The following MIPEP variants were observed in gnomAD, a reference collection of about 807,000 sequenced individuals.
The protein encoded by MIPEP is mitochondrial intermediate peptidase.
MIPEP carries 79 observed loss-of-function variants against 90.3 expected under a neutral mutation model. The ratio of observed to expected loss-of-function variants is 0.87; its 90% CI spans 0.73 to 1.05. The LOEUF (loss-of-function observed/expected upper bound fraction) is 1.05. MIPEP is among the 50% of genes least tolerant of loss of function. The pLI, the probability that MIPEP is intolerant of heterozygous loss-of-function variation, is 0.00. For missense variants in MIPEP, 940 were observed against 905.6 expected, an observed-to-expected ratio of 1.04 and a Z score of -0.49; for synonymous variants, 334 against 315.8, an observed-to-expected ratio of 1.06 and a Z score of -0.61.
At chr13:23,844,076 CCAGA>C (rs1869428228) in intron 10 of MIPEP, among the ~76,000 whole-genome samples, 1 of 152,000 alleles carries the variant, frequency 6.6e-6, no homozygotes, top group South Asian at 2.1e-4. Context: ...CCATGAGATA[CCAGA>C]CACTCAGGAC....
At chr13:23,752,295 T>C (rs1952450151) in intron 18 of MIPEP, among the ~76,000 whole-genome samples, 1 of 152,220 alleles carries the variant, frequency 6.6e-6, no homozygotes, top group Non-Finnish European at 1.5e-5. Flanking sequence ...ATTCACAAAC[T>C]GCTGAAGTAA....
At chr13:23,831,389 G>GGGGGGGGGGGGGGGGGGGGGGGGGTGGGT (rs1566009699) in intron 14 of MIPEP, among the ~76,000 whole-genome samples, 1 of 144,558 alleles carries the variant, frequency 6.9e-6, no homozygotes, top group Admixed American at 6.8e-5. Context: ...ATGGCGGGGG[G>GGGGGGGGGGGGGGGGGGGGGGGGGTGGGT]GGGATGTGGA....
At chr13:23,858,470 C>CA (rs1178186750) in intron 10 of MIPEP, among the ~76,000 whole-genome samples, 2,756 of 47,486 alleles carry the variant, frequency 0.058, 35 homozygotes, top group African/African-American at 0.079. Context: ...GACTCCGCCT[C>CA]AAAAAAAAAA....
At chr13:23,835,196 T>C (rs1452219034) in intron 14 of MIPEP, among the ~76,000 whole-genome samples, 1 of 152,026 alleles carries the variant, frequency 6.6e-6, no homozygotes, top group African/African-American at 2.4e-5. Context: ...AACTTTTGTA[T>C]TTTTAGTAGA....
At chr13:23,868,325 G>A (rs1158878027) in intron 7 of MIPEP, among the ~76,000 whole-genome samples, 2 of 152,182 alleles carry the variant, frequency 1.3e-5, no homozygotes, top group Non-Finnish European at 2.9e-5. Context: ...TGACACGCCT[G>A]TAGCTTAACC....
intron 18 of MIPEP, among the ~76,000 whole-genome samples, chr13:23,742,901 G>A (rs529649971): frequency 6.6e-6 from 1 of 152,308 alleles, no homozygotes; most frequent in African/African-American, 2.4e-5. Flanking sequence ...TGTAAGTGTA[G>A]GACATTGTGA....
chr13:23,806,040 G>A lies in MIPEP; in HGVS notation c.1758C>T (p.Tyr586=), dbSNP rs1353429527. ...AATTCCTCAGGGGATGCTTCCCATG[G>A]TAGATTTGATCCAGAGTGGCATAAA... ...QVFYATLDQI[Y]HGKHPLRNST... Residue 586 remains tyrosine (Y), a synonymous_variant, in exon 16 of 19, where the codon TAC becomes TAT. Transcript: ENST00000382172. The A allele has an allele frequency of 3.1e-6, 5 of 1,613,390 alleles. No individual in the cohort carries two copies. In the South Asian group the frequency reaches 5.5e-5, roughly 18 times the overall value.
intron 12 of MIPEP, among the ~76,000 whole-genome samples, chr13:23,839,145 G>C (rs1869185167): frequency 6.6e-6 from 1 of 152,248 alleles, no homozygotes; most frequent in Non-Finnish European, 1.5e-5. Flanking sequence ...TTGGTGGTTG[G>C]TAAGGTTTCC....
At chr13:23,875,410 G>C (rs1460872804) in intron 4 of MIPEP, among the ~76,000 whole-genome samples, 1 of 152,002 alleles carries the variant, frequency 6.6e-6, no homozygotes, top group Non-Finnish European at 1.5e-5. Flanking sequence ...GCCAGTAGCA[G>C]CTATTTAGAA....
rs140567392 is a variant in MIPEP, at chr13:23,844,527, T to C, written c.1107-3039A>G. On this transcript the variant is annotated intron_variant, in intron 10 of 18. Coordinates refer to ENST00000382172, the MANE Select transcript of MIPEP (RefSeq NM_005932.4). ...AGCTTACCAGAGCAGAAACCTCCCA[T>C]AGAACCTACTACCAAGGCAAGAAAG... 1.2e-4 allele frequency among the ~76,000 whole-genome samples: 19 copies of C among 152,300 alleles called. No individual in the cohort carries two copies. The East Asian group carries it at 3.1e-3, about 25-fold the overall frequency.
chr13:23,778,497 G>A (rs563499832), intron 16 of MIPEP, among the ~76,000 whole-genome samples: 26 of 152,230 alleles, frequency 1.7e-4, no homozygotes, highest in African/African-American at 6.0e-4. Context: ...TGGTGGCCTG[G>A]CCAATGGCTA....
At chr13:23,734,502 G>A (rs1412111171) in intron 18 of MIPEP, among the ~76,000 whole-genome samples, 1 of 152,136 alleles carries the variant, frequency 6.6e-6, no homozygotes, top group East Asian at 1.9e-4. Context: ...GTACTCCTAT[G>A]AACAAAATTT....
chr13:23,783,321 C>T (rs1253867518), intron 16 of MIPEP, among the ~76,000 whole-genome samples: 1 of 152,162 alleles, frequency 6.6e-6, no homozygotes, highest in African/African-American at 2.4e-5. Flanking sequence ...AAACATAATA[C>T]AGCATATAAA....
chr13:23,758,678 C>T (rs771713003), intron 17 of MIPEP, among the ~76,000 whole-genome samples: 2 of 152,188 alleles, frequency 1.3e-5, no homozygotes, highest in Non-Finnish European at 2.9e-5. Flanking sequence ...AGACAAAATA[C>T]ATGTGAGTAC....
In MIPEP at chr13:23,858,892, G is replaced by A. The variant is rs759849788; in HGVS notation, c.1074C>T (p.Pro358=). The A allele has an allele frequency of 6.2e-7, 1 of 1,613,486 alleles. No individual in the cohort carries two copies. Among genetic ancestry groups the A allele is most frequent in the East Asian group, 2.2e-5 (1 of 44,884 alleles). The change falls in exon 10 of 19, where the codon CCC becomes CCT. Residue 358 remains proline (P), a synonymous_variant. Coordinates refer to ENST00000382172, the MANE Select transcript of MIPEP (RefSeq NM_005932.4). ...CACGAATCACACCACTGTAGTAAGG[G>A]GGGTCCCAGGGCATTACTTCCTACA... ...PQNSEVMPWD[P]PYYSGVIRAE...
intron 18 of MIPEP, among the ~76,000 whole-genome samples, chr13:23,748,265 C>A (rs1952404807): frequency 6.6e-6 from 1 of 152,190 alleles, no homozygotes. Context: ...TTTTGGTATT[C>A]GTGTATTCAC....
intron 18 of MIPEP, among the ~76,000 whole-genome samples, chr13:23,736,981 G>A (rs1593124234): frequency 6.6e-6 from 1 of 152,142 alleles, no homozygotes; most frequent in South Asian, 2.1e-4. Flanking sequence ...CTCATGCCCC[G>A]AAATTCTGTC....
rs1871269633 is a variant in MIPEP at position 23,881,568 on chromosome 13, C to T, written c.452+131G>A. ...GTCCTGAGCCCTCCCTCCGGCCACC[C>T]CTGGTCACACACACCTCCCACCCTG... On this transcript the variant is annotated intron_variant, in intron 3 of 18. Coordinates refer to ENST00000382172, the MANE Select transcript of MIPEP (RefSeq NM_005932.4). 4 of 751,446 alleles carry T rather than the reference C, an allele frequency of 5.3e-6. No homozygotes were observed. In the South Asian group the frequency reaches 6.8e-5, roughly 13 times the overall value. The allele number at this position is 751,446 out of a possible 1,614,324, so 46.5% of individuals were successfully genotyped here. A position where few individuals can be genotyped will look rare whatever the true frequency, so the allele number is the denominator to read the frequency against.
At chr13:23,756,500 A>C (rs1172355735) in intron 18 of MIPEP, 45 bp downstream of exon 18, 2 of 1,568,514 alleles carry the variant, frequency 1.3e-6, no homozygotes, top group Non-Finnish European at 1.8e-6. Context: ...GAGAAAACAT[A>C]AATCAGCTTT....
Sources: allele counts gnomAD v4.1 joint callset (sites outside exome capture counted in the v4.1 genomes callset), GRCh38; gene constraint gnomAD v4.1.1; transcripts MANE v1.5; gene names NCBI Gene and HGNC (gene_info 2026-07-23, HGNC 2026-07-21).